GAS7: variants seen among roughly 807,000 people sequenced by gnomAD.
GAS7 encodes the protein growth arrest-specific protein 7.
A neutral mutation model predicts 71.1 loss-of-function variants in GAS7; 28 were observed. The observed-to-expected ratio is 0.39, with a 90% CI of 0.29 to 0.54. The LOEUF (loss-of-function observed/expected upper bound fraction) is 0.54, where lower values mean the gene tolerates loss of function less well. Among genes scored for constraint, GAS7 ranks in the 20% least tolerant of loss-of-function variants. GAS7 has a pLI of 0.62. For synonymous variants in GAS7, 258 were observed against 245.8 expected (o/e 1.05, Z -0.46); for missense variants, 436 against 627.8 (o/e 0.69, Z 3.27).
At chr17:10,042,569 C>G (rs547235780) in intron 1 of GAS7, among the ~76,000 whole-genome samples, 1 of 152,192 alleles carries the variant, frequency 6.6e-6, no homozygotes. Flanking sequence ...TCCTAAAATT[C>G]GGAAGCTAAG....
At position 10,038,433 on chromosome 17, in the gene GAS7, C is replaced by T. The variant is rs182078725; in HGVS notation, c.184-18536G>A. 4.7e-4 allele frequency among the ~76,000 whole-genome samples: 72 copies of T among 152,266 alleles called. No individual in the cohort carries two copies. The East Asian group carries it at 0.013, about 28-fold the overall frequency. On this transcript the variant is annotated intron_variant, in intron 1 of 13. Coordinates refer to ENST00000432992, the MANE Select transcript of GAS7 (RefSeq NM_201433.2). The stretch of plus-strand genomic sequence containing the variant: ...TGAGAACTGTTGGAACCCTTGTGCC[C>T]TTCTGGTGGGAATGTAAAATAGTAC...
chr17:10,134,309 G>C (rs1393231047), intron 1 of GAS7, among the ~76,000 whole-genome samples: 1 of 152,132 alleles, frequency 6.6e-6, no homozygotes, highest in East Asian at 1.9e-4. Context: ...GGGATTACAG[G>C]TGTGAGCCAC....
chr17:10,000,012 A>G (rs927404198), intron 2 of GAS7, among the ~76,000 whole-genome samples: 3 of 151,576 alleles, frequency 2.0e-5, no homozygotes, highest in Non-Finnish European at 2.9e-5. Flanking sequence ...GTCAGAGCGC[A>G]TCAGAATCAC....
In GAS7 at chr17:9,913,249, G is replaced by A. The variant is rs191542259; in HGVS notation, c.*3979C>T. The A allele has an allele frequency of 2.0e-4, 46 of 232,490 alleles. No individual in the cohort carries two copies. The highest frequency in any genetic ancestry group is 8.4e-4 in the African/African-American group (38 of 45,410). 14.4% of individuals were successfully genotyped at this position (232,490 alleles called of 1,614,324 possible). On this transcript the variant is annotated 3_prime_UTR_variant, in exon 14 of 14. Transcript: ENST00000432992. ...ATGGCAAGGATTATGGGGATAAGAC[G>A]ATGTCCAGGCTACGTGGGGGGGCAG...
intron 1 of GAS7, among the ~76,000 whole-genome samples, chr17:10,132,486 C>T (rs1194610792): frequency 6.6e-6 from 1 of 152,188 alleles, no homozygotes; most frequent in Non-Finnish European, 1.5e-5. Flanking sequence ...TTATTTTTGG[C>T]CAGGCACGGT....
intron 4 of GAS7, among the ~76,000 whole-genome samples, chr17:9,968,775 A>G (rs1260651046): frequency 6.6e-6 from 1 of 152,206 alleles, no homozygotes; most frequent in East Asian, 1.9e-4. Context: ...AGTGACTGGT[A>G]CATAGAATCC....
At chr17:10,090,270 C>G (rs1439412197) in intron 1 of GAS7, among the ~76,000 whole-genome samples, 1 of 151,832 alleles carries the variant, frequency 6.6e-6, no homozygotes, top group African/African-American at 2.4e-5. Flanking sequence ...TTGGTTTTAA[C>G]GATGGACATT....
At chr17:9,956,982 G>A (rs748228572) in intron 5 of GAS7, among the ~76,000 whole-genome samples, 43 of 152,300 alleles carry the variant, frequency 2.8e-4, no homozygotes, top group Admixed American at 1.8e-3. Flanking sequence ...ACCAAGGCCT[G>A]GAGACCTGTG....
chr17:10,071,954 G>A (rs1007403152), intron 1 of GAS7, among the ~76,000 whole-genome samples: 16 of 137,346 alleles, frequency 1.2e-4, no homozygotes, highest in African/African-American at 3.9e-4. Context: ...AAAAAAAAAA[G>A]AAAAGAAAAA....
At chr17:10,167,644 A>G (rs999524974) in intron 1 of GAS7, among the ~76,000 whole-genome samples, 2 of 152,076 alleles carry the variant, frequency 1.3e-5, no homozygotes, top group Non-Finnish European at 2.9e-5. Context: ...TTGTGCAAAC[A>G]TTGCGAAGGT....
At position 10,073,996 on chromosome 17, in the gene GAS7, G is replaced by A. The variant is rs11868452; in HGVS notation, c.184-54099C>T. On this transcript the variant is annotated intron_variant, in intron 1 of 13. Coordinates refer to ENST00000432992, the MANE Select transcript of GAS7 (RefSeq NM_201433.2). ...AACATTTATTGGGCACCTACTATAT[G>A]TCAGGCGCTGAGAATATGCAGATGA... 4.6e-3 allele frequency among the ~76,000 whole-genome samples: 704 copies of A among 152,304 alleles called. 8 individuals are homozygous for A. The highest frequency in any genetic ancestry group is 0.016 in the African/African-American group (667 of 41,552).
chr17:9,923,012 G>A (rs949308395), intron 11 of GAS7, among the ~76,000 whole-genome samples: 4 of 152,278 alleles, frequency 2.6e-5, no homozygotes, highest in African/African-American at 7.2e-5. Context: ...GGGTTCAAGC[G>A]ATTCTCCTGC....
rs1351083674 is a variant in GAS7 at position 10,034,128 on chromosome 17, G to A, written c.184-14231C>T. On this transcript the variant is annotated intron_variant, in intron 1 of 13. Coordinates refer to ENST00000432992, the MANE Select transcript of GAS7 (RefSeq NM_201433.2). The surrounding 1 kb of genome is among the most constrained non-coding windows in gnomAD (Gnocchi z 4.4). ...AGACCTACCACTGCTCTGTGCCACC[G>A]TGCGAAGAACACAGGATGGGAATCG... 9 of 985,058 alleles carry A rather than the reference G, an allele frequency of 9.1e-6. No individual in the cohort carries two copies. The highest frequency in any genetic ancestry group is 5.2e-5 in the African/African-American group (3 of 57,206). 61.0% of individuals were successfully genotyped at this position (985,058 alleles called of 1,614,324 possible).
chr17:10,063,522 T>C (rs1347993477), intron 1 of GAS7, among the ~76,000 whole-genome samples: 1 of 152,254 alleles, frequency 6.6e-6, no homozygotes, highest in Non-Finnish European at 1.5e-5. Flanking sequence ...TGATTATGCT[T>C]ATTCCAGAGA....
At chr17:10,185,891 G>C (rs2074448450) in intron 1 of GAS7, among the ~76,000 whole-genome samples, 1 of 151,812 alleles carries the variant, frequency 6.6e-6, no homozygotes, top group East Asian at 1.9e-4. Context: ...TGTGAGCAGA[G>C]AGTTTGGTTT....
chr17:10,167,514 A>G (rs1412878035), intron 1 of GAS7, among the ~76,000 whole-genome samples: 6 of 152,006 alleles, frequency 3.9e-5, no homozygotes, highest in Admixed American at 1.3e-4. Context: ...CTGGGGTGAG[A>G]TGGTGGCTTG....
Position 10,116,128 on chromosome 17 carries a change from T to C in GAS7, c.183+82080A>G, listed in dbSNP as rs561595906. 1.3e-3 allele frequency among the ~76,000 whole-genome samples: 201 copies of C among 152,168 alleles called. 1 individual carries two copies. Among genetic ancestry groups the C allele is most frequent in the Non-Finnish European group, 2.2e-3 (147 of 67,944 alleles). ...GAGTTCAAGACCAGCCTGGCCAACA[T>C]GGCCAAACCCCATCTCTACTAAAAG... On this transcript the variant is annotated intron_variant, in intron 1 of 13. Transcript: ENST00000432992.
intron 1 of GAS7, among the ~76,000 whole-genome samples, chr17:10,123,354 G>A (rs1016645352): frequency 1.3e-5 from 2 of 152,208 alleles, no homozygotes; most frequent in African/African-American, 4.8e-5. Flanking sequence ...AAGAGATGCT[G>A]GTTCTGTTGC....
chr17:10,174,310 T>G (rs1428195303), intron 1 of GAS7, among the ~76,000 whole-genome samples: 1 of 152,162 alleles, frequency 6.6e-6, no homozygotes, highest in Non-Finnish European at 1.5e-5. Flanking sequence ...TAGAGGGATA[T>G]AGGGGATGCA....
Sources: allele counts gnomAD v4.1 joint callset (sites outside exome capture counted in the v4.1 genomes callset), GRCh38; gene constraint gnomAD v4.1.1; non-coding constraint Gnocchi (gnomAD v3.1); transcripts MANE v1.5; gene names NCBI Gene and HGNC (gene_info 2026-07-23, HGNC 2026-07-21).